PTBP2: variants seen among roughly 807,000 people sequenced by gnomAD.
PTBP2 encodes polypyrimidine tract binding protein 2.
A neutral mutation model predicts 61.4 loss-of-function variants in PTBP2; 13 were observed. That is an observed-to-expected ratio of 0.21 (90% confidence interval 0.14 to 0.34). The LOEUF (loss-of-function observed/expected upper bound fraction) is 0.34, where lower values mean the gene tolerates loss of function less well. Among genes scored for constraint, PTBP2 ranks in the 10% least tolerant of loss-of-function variants. The probability of loss-of-function intolerance (pLI) is 1.00; values close to 1 mark genes in which losing one functional copy is unlikely to be tolerated. For missense variants in PTBP2, 405 were observed against 642.6 expected (o/e 0.63, Z 4.00); for synonymous variants, 215 against 218.5 (o/e 0.98, Z 0.14).
At chr1:96,807,623 A>C (rs1443355612) in intron 11 of PTBP2, among the ~76,000 whole-genome samples, 2 of 152,232 alleles carry the variant, frequency 1.3e-5, no homozygotes, top group African/African-American at 4.8e-5. Context: ...ATGGTGCCTC[A>C]GACTGATTGT....
At chr1:96,776,175 AG>A (rs1658012100) in intron 5 of PTBP2, among the ~76,000 whole-genome samples, 1 of 152,022 alleles carries the variant, frequency 6.6e-6, no homozygotes, top group Non-Finnish European at 1.5e-5. Flanking sequence ...AAGTTGTGGT[AG>A]TCTATGCTTG....
chr1:96,765,049 T>G (rs1656512425), intron 3 of PTBP2, among the ~76,000 whole-genome samples: 1 of 152,222 alleles, frequency 6.6e-6, no homozygotes, highest in South Asian at 2.1e-4. Flanking sequence ...TTTTTTCTCT[T>G]TAACTCTTCT....
At chr1:96,821,261 T>C (rs1662674057) in exon 14 of PTBP2, 1 of 152,190 alleles carries the variant, frequency 6.6e-6, no homozygotes, top group African/African-American at 2.4e-5. Context: ...GTCTTTGTTC[T>C]TTTCTCTCTA....
chr1:96,784,407 A>G (rs556317288), intron 7 of PTBP2, among the ~76,000 whole-genome samples: 6 of 152,254 alleles, frequency 3.9e-5, no homozygotes, highest in African/African-American at 1.4e-4. Context: ...AAAAGAGTCT[A>G]GGCTTTTAAT....
chr1:96,776,818 T>C (rs995009670), intron 5 of PTBP2, among the ~76,000 whole-genome samples: 3 of 151,526 alleles, frequency 2.0e-5, no homozygotes, highest in East Asian at 3.9e-4. Flanking sequence ...AAATACTGTG[T>C]TTATTCAATT....
intron 2 of PTBP2, among the ~76,000 whole-genome samples, chr1:96,735,349 T>C (rs1652026499): frequency 6.6e-6 from 1 of 152,198 alleles, no homozygotes; most frequent in Non-Finnish European, 1.5e-5. Context: ...GACAAGAATG[T>C]TTTCTTGTCA....
intron 8 of PTBP2, among the ~76,000 whole-genome samples, chr1:96,790,057 T>TGA (rs897393073): frequency 6.6e-6 from 1 of 152,126 alleles, no homozygotes; most frequent in African/African-American, 2.4e-5. Flanking sequence ...TTACATCTCA[T>TGA]TAGTCTGTTT....
At chr1:96,772,006 A>T (rs1657439180) in intron 5 of PTBP2, among the ~76,000 whole-genome samples, 1 of 152,162 alleles carries the variant, frequency 6.6e-6, no homozygotes, top group Admixed American at 6.5e-5. Flanking sequence ...TTCCACGCCA[A>T]GCAAGCAGTC....
intron 7 of PTBP2, 182 bp from the exon 8 acceptor site, chr1:96,784,877 A>G: frequency 2.0e-6 from 1 of 495,474 alleles, no homozygotes; most frequent in Non-Finnish European, 3.5e-6. Flanking sequence ...GGAAGATAAT[A>G]TTTGGGGGAA....
intron 3 of PTBP2, among the ~76,000 whole-genome samples, chr1:96,757,308 T>A (rs190536724): frequency 6.6e-6 from 1 of 150,900 alleles, no homozygotes; most frequent in Non-Finnish European, 1.5e-5. Context: ...AAAGTTGATA[T>A]GATTATATTA....
At chr1:96,760,021 G>A (rs767762088) in intron 3 of PTBP2, among the ~76,000 whole-genome samples, 1 of 152,118 alleles carries the variant, frequency 6.6e-6, no homozygotes, top group Non-Finnish European at 1.5e-5. Context: ...TTACTTCACT[G>A]TCACGAGAAC....
intron 3 of PTBP2, among the ~76,000 whole-genome samples, chr1:96,765,742 A>AGATG (rs1405056215): frequency 2.0e-5 from 3 of 152,090 alleles, no homozygotes; most frequent in Non-Finnish European, 4.4e-5. Flanking sequence ...ATAGATAGAT[A>AGATG]GATAGATACT....
Position 96,806,847 on chromosome 1 carries a change from C to G in PTBP2, c.1079-19C>G, listed in dbSNP as rs763951546. ...AATTAATTCCATTTTTGGATTACCTCTCTGTGGCTCCAAAAAAGGTGTTTA... is the reference window on the plus strand; with the variant it reads ...AATTAATTCCATTTTTGGATTACCTGTCTGTGGCTCCAAAAAAGGTGTTTA... On this transcript the variant is annotated intron_variant, in intron 10 of 13. Coordinates refer to ENST00000674951, the MANE Select transcript of PTBP2 (RefSeq NM_021190.4). The G allele has an allele frequency of 2.3e-5, 36 of 1,587,070 alleles. No individual in the cohort carries two copies. The highest frequency in any genetic ancestry group is 2.9e-5 in the Non-Finnish European group (34 of 1,162,548).
At chr1:96,748,982 T>C (rs1654188678) in intron 2 of PTBP2, among the ~76,000 whole-genome samples, 1 of 152,186 alleles carries the variant, frequency 6.6e-6, no homozygotes, top group South Asian at 2.1e-4. Flanking sequence ...CAGTAATTTT[T>C]GTAAAATCTC....
At chr1:96,763,843 A>C (rs2100983647) in intron 3 of PTBP2, among the ~76,000 whole-genome samples, 1 of 152,296 alleles carries the variant, frequency 6.6e-6, no homozygotes, top group South Asian at 2.1e-4. Flanking sequence ...AAGTCTGCAT[A>C]TATTCTAAGA....
chr1:96,722,243 T>C (rs1459293908), intron 1 of PTBP2, among the ~76,000 whole-genome samples: 1 of 152,026 alleles, frequency 6.6e-6, no homozygotes, highest in African/African-American at 2.4e-5. Context: ...GACCCTTGGG[T>C]TAGCGGTGCC....
intron 1 of PTBP2, among the ~76,000 whole-genome samples, chr1:96,722,253 C>T (rs1196638871): frequency 6.6e-6 from 1 of 152,080 alleles, no homozygotes; most frequent in African/African-American, 2.4e-5. Context: ...TTAGCGGTGC[C>T]TGTGAGAGCG....
At chr1:96,762,135 A>C (rs1454587282) in intron 3 of PTBP2, among the ~76,000 whole-genome samples, 2 of 151,094 alleles carry the variant, frequency 1.3e-5, no homozygotes, top group Admixed American at 1.3e-4. Flanking sequence ...ACCTCTTTCT[A>C]CACAGACACG....
At chr1:96,811,574 G>A (rs1172728472) in intron 11 of PTBP2, among the ~76,000 whole-genome samples, 1 of 152,038 alleles carries the variant, frequency 6.6e-6, no homozygotes, top group Non-Finnish European at 1.5e-5. Flanking sequence ...GAGCCACCAC[G>A]CCCAGCTAAT....
Sources: allele counts gnomAD v4.1 joint callset (sites outside exome capture counted in the v4.1 genomes callset), GRCh38; gene constraint gnomAD v4.1.1; transcripts MANE v1.5; gene names NCBI Gene and HGNC (gene_info 2026-07-23, HGNC 2026-07-21).